Variants in MLLT1 observed in about 807,000 individuals in gnomAD.
The protein encoded by MLLT1 is MLLT1 super elongation complex subunit, also known as protein ENL.
In MLLT1, 11 loss-of-function variants were observed where a neutral mutation model predicts 55.1. The ratio of observed to expected loss-of-function variants is 0.20; its 90% CI spans 0.13 to 0.33. The LOEUF (loss-of-function observed/expected upper bound fraction) is 0.33, where lower values mean the gene tolerates loss of function less well. Among genes scored for constraint, MLLT1 ranks in the 10% least tolerant of loss-of-function variants. The pLI is 1.00. For missense variants in MLLT1, 536 were observed against 760.6 expected (o/e 0.70, Z 3.47); for synonymous variants, 323 against 320.1 (o/e 1.01, Z -0.10).
intron 3 of MLLT1, among the ~76,000 whole-genome samples, chr19:6,245,191 A>C (rs534880682): frequency 2.6e-5 from 4 of 151,828 alleles, no homozygotes; most frequent in African/African-American, 9.7e-5. Flanking sequence ...AAATTTTTTT[A>C]AATCTTTTCT....
chr19:6,269,335 G>A (rs780953295), intron 2 of MLLT1, among the ~76,000 whole-genome samples: 28 of 152,236 alleles, frequency 1.8e-4, no homozygotes, highest in Non-Finnish European at 3.2e-4. Flanking sequence ...CGCACGAAGC[G>A]CTGGCCAGGA....
At chr19:6,233,799 C>T (rs947027610) in intron 3 of MLLT1, among the ~76,000 whole-genome samples, 2 of 152,166 alleles carry the variant, frequency 1.3e-5, no homozygotes, top group East Asian at 1.9e-4. Context: ...CTAACCGACA[C>T]GCCCCCCGCC....
intron 5 of MLLT1, among the ~76,000 whole-genome samples, chr19:6,225,123 A>G (rs906096187): frequency 1.7e-4 from 26 of 152,226 alleles, no homozygotes; most frequent in African/African-American, 6.0e-4. Flanking sequence ...GGCTCCCTGC[A>G]GCTGCTGCCA....
chr19:6,211,868 G>C lies in MLLT1; in HGVS notation c.*1174C>G. The C allele has an allele frequency of 9.4e-7, 1 of 1,064,210 alleles. No homozygotes were observed. Among genetic ancestry groups the C allele is most frequent in the South Asian group, 4.6e-5 (1 of 21,976 alleles). The allele number at this position is 1,064,210 out of a possible 1,614,324, so 65.9% of individuals were successfully genotyped here. A position where few individuals can be genotyped will look rare whatever the true frequency, so the allele number is the denominator to read the frequency against. On this transcript the variant is annotated 3_prime_UTR_variant, in exon 12 of 12. Transcript: ENST00000252674. The surrounding 1 kb of genome is among the most constrained non-coding windows in gnomAD (Gnocchi z 4.6). Reference sequence around the variant, plus strand: ...ATACCAGGAGTGGGGCTGCGGGCGCGGCACCAGCATGAATTGCGGCGGTGG... The same window carrying C: ...ATACCAGGAGTGGGGCTGCGGGCGCCGCACCAGCATGAATTGCGGCGGTGG...
chr19:6,228,877 C>A (rs1432978446), intron 4 of MLLT1, among the ~76,000 whole-genome samples: 2 of 150,950 alleles, frequency 1.3e-5, no homozygotes, highest in East Asian at 1.9e-4. Flanking sequence ...GGGGCAGAGA[C>A]CCCCCACGGC....
At chr19:6,250,446 G>T (rs76179083) in intron 3 of MLLT1, among the ~76,000 whole-genome samples, 5,133 of 152,208 alleles carry the variant, frequency 0.034, 96 homozygotes, top group Middle Eastern at 0.082. Context: ...AACTGTGAGG[G>T]ATTGGTTCCA....
intron 1 of MLLT1, among the ~76,000 whole-genome samples, chr19:6,272,346 T>C (rs2091402331): frequency 6.6e-6 from 1 of 152,168 alleles, no homozygotes; most frequent in Admixed American, 6.5e-5. Flanking sequence ...AACGCGCACA[T>C]TCCAGCTCAA....
At chr19:6,245,493 G>A (rs1020815812) in intron 3 of MLLT1, among the ~76,000 whole-genome samples, 9 of 151,386 alleles carry the variant, frequency 5.9e-5, no homozygotes, top group East Asian at 2.0e-4. Flanking sequence ...GGCGGATCAC[G>A]AGGTCAGGAG....
At chr19:6,233,210 G>A (rs1411101661) in intron 3 of MLLT1, among the ~76,000 whole-genome samples, 4 of 152,218 alleles carry the variant, frequency 2.6e-5, no homozygotes, top group African/African-American at 9.6e-5. Flanking sequence ...CGCAAGCTCC[G>A]GGGACAGGCG....
rs2091309872 is a variant in MLLT1 at position 6,262,018 on chromosome 19, C to A, written c.276+210G>T. Among the ~76,000 whole-genome samples the A allele has an allele frequency of 6.6e-6, 1 of 152,170 alleles. No homozygotes were observed. The highest frequency in any genetic ancestry group is 6.5e-5 in the Admixed American group (1 of 15,286). On this transcript the variant is annotated intron_variant, in intron 3 of 11. Transcript: ENST00000252674. The surrounding 1 kb of genome is among the most constrained non-coding windows in gnomAD (Gnocchi z 4.4). ...TCCCCTAGAGAAGCAGACCAAGGGA[C>A]ACGCCCACCTGCTGTCATGAAACCA...
Position 6,270,674 on chromosome 19 carries a change from A to T in MLLT1, c.98T>A (p.Met33Lys). 1 of 1,614,064 alleles carries T rather than the reference A, an allele frequency of 6.2e-7. No homozygotes were observed. Among genetic ancestry groups the T allele is most frequent in the Non-Finnish European group, 8.5e-7 (1 of 1,179,988 alleles). The change falls in exon 2 of 12, where the codon ATG (methionine) becomes AAG (lysine). Residue 33 changes from methionine (M) to lysine (K), a missense_variant. Met to Lys is a moderately conservative substitution (Grantham distance 95, BLOSUM62 -1). Coordinates refer to ENST00000252674, the MANE Select transcript of MLLT1 (RefSeq NM_005934.4). This position sits in a 1 kb window ranked among gnomAD's most constrained non-coding sequence, Gnocchi z 7.1. ...TTGCTCGGGGCCGCGGACAAACACCATCCAGTCGTGAGTGAACCCCTCCGT... is the reference window on the plus strand; with the variant it reads ...TTGCTCGGGGCCGCGGACAAACACCTTCCAGTCGTGAGTGAACCCCTCCGT... Reference protein sequence around the residue: ...PTTEGFTHDWMVFVRGPEQCD... With the variant: ...PTTEGFTHDWKVFVRGPEQCD...
chr19:6,214,846 G>A (rs1430959155), intron 8 of MLLT1, among the ~76,000 whole-genome samples: 1 of 152,182 alleles, frequency 6.6e-6, no homozygotes, highest in African/African-American at 2.4e-5. Context: ...CGAGCACACC[G>A]GACTTCCCGG....
chr19:6,272,153 C>T (rs765016453), intron 1 of MLLT1, among the ~76,000 whole-genome samples: 62 of 151,922 alleles, frequency 4.1e-4, no homozygotes, highest in African/African-American at 1.7e-4. Flanking sequence ...GCCCCGCGCA[C>T]GTCTTCCACG....
chr19:6,211,671 G>A lies in MLLT1; in HGVS notation c.*1371C>T. 2 of 1,064,674 alleles carry A rather than the reference G, an allele frequency of 1.9e-6. No homozygotes were observed. Among genetic ancestry groups the A allele is most frequent in the South Asian group, 9.1e-5 (2 of 21,972 alleles). The allele number at this position is 1,064,674 out of a possible 1,614,324, so 66.0% of individuals were successfully genotyped here. A position where few individuals can be genotyped will look rare whatever the true frequency, so the allele number is the denominator to read the frequency against. ...CTTGAAAGGACTTGAAAGTCAGGGG[G>A]TTGAGAGGACTGGAGGCGCCTCGAG... On this transcript the variant is annotated 3_prime_UTR_variant, in exon 12 of 12. Coordinates refer to ENST00000252674, the MANE Select transcript of MLLT1 (RefSeq NM_005934.4). This position sits in a 1 kb window ranked among gnomAD's most constrained non-coding sequence, Gnocchi z 4.6.
chr19:6,249,573 C>A (rs2091196964), intron 3 of MLLT1, among the ~76,000 whole-genome samples: 2 of 152,214 alleles, frequency 1.3e-5, no homozygotes, highest in African/African-American at 4.8e-5. Context: ...CCGCAGCATG[C>A]AGAAGCCTCG....
chr19:6,213,206 G>A (rs558192053), intron 11 of MLLT1, 36 bp from the exon 12 acceptor site: 13 of 1,613,376 alleles, frequency 8.1e-6, no homozygotes, highest in African/African-American at 1.3e-5. Flanking sequence ...AGGGGCAGGG[G>A]GCCAAGGGTG....
At position 6,270,755 on chromosome 19, in the gene MLLT1, G is replaced by A; in HGVS notation, c.17C>T (p.Thr6Ile). 6.2e-7 allele frequency: 1 copy of A among 1,603,694 alleles called. No homozygotes were observed. The highest frequency in any genetic ancestry group is 8.5e-7 in the Non-Finnish European group (1 of 1,173,040). Residue 6 changes from threonine (T) to isoleucine (I), a missense_variant, in exon 2 of 12, where the codon ACC becomes ATC. Physicochemically the swap from Thr to Ile is moderately conservative, Grantham distance 89. This residue lies in a region of MLLT1 where 62 missense variants were observed against 195.8 expected (regional missense o/e 0.32). Coordinates refer to ENST00000252674, the MANE Select transcript of MLLT1 (RefSeq NM_005934.4). The surrounding 1 kb of genome is among the most constrained non-coding windows in gnomAD (Gnocchi z 7.1). MDNQC[T>I]VQVRLELGHR... Reference sequence around the variant, plus strand: ...CCCCAGCTCTAACCTCACCTGGACGGTGCACTGGAGGAGAGAGAGGTGGGG... The same window carrying A: ...CCCCAGCTCTAACCTCACCTGGACGATGCACTGGAGGAGAGAGAGGTGGGG...
intron 1 of MLLT1, among the ~76,000 whole-genome samples, chr19:6,279,329 A>G (rs1014467569): frequency 3.6e-4 from 54 of 152,090 alleles, no homozygotes; most frequent in Non-Finnish European, 1.0e-4. Flanking sequence ...GGCAGATCCG[A>G]GGGGCCCCGG....
chr19:6,226,178 GAGGAGAA>G lies in MLLT1; in HGVS notation c.546+792_546+798del, dbSNP rs2090955181. On this transcript the variant is annotated intron_variant, in intron 5 of 11. Coordinates refer to ENST00000252674, the MANE Select transcript of MLLT1 (RefSeq NM_005934.4). The surrounding 1 kb of genome is among the most constrained non-coding windows in gnomAD (Gnocchi z 6.3). ...GCAGGGCCTGGCAGACAAGTGAGGTGAGGAGAAAGGAGAGGACCGGTGGAGAGATGTG... is the reference window on the plus strand; with the variant it reads ...GCAGGGCCTGGCAGACAAGTGAGGTGAGGAGAGGACCGGTGGAGAGATGTG... Among the ~76,000 whole-genome samples the G allele has an allele frequency of 6.6e-6, 1 of 152,350 alleles. No homozygotes were observed. The highest frequency in any genetic ancestry group is 6.5e-5 in the Admixed American group (1 of 15,312).
Sources: gnomAD v4.1 joint callset for allele counts (sites outside exome capture counted in the v4.1 genomes callset) on GRCh38, gnomAD v4.1.1 for gene constraint, gnomAD v4.1.1 regional missense constraint, Gnocchi (gnomAD v3.1) non-coding constraint, MANE v1.5 for transcripts, NCBI Gene and HGNC (gene_info 2026-07-23, HGNC 2026-07-21) for gene names.